HCLS1: variants seen among roughly 807,000 people sequenced by gnomAD.
The protein encoded by HCLS1 is hematopoietic lineage cell-specific protein.
HCLS1 carries 44 observed loss-of-function variants against 68.6 expected under a neutral mutation model. The ratio of observed to expected loss-of-function variants is 0.64; its 90% CI spans 0.50 to 0.82. The LOEUF (loss-of-function observed/expected upper bound fraction) is 0.82, where lower values mean the gene tolerates loss of function less well. HCLS1 is among the 40% of genes least tolerant of loss of function. The pLI, the probability that HCLS1 is intolerant of heterozygous loss-of-function variation, is 0.00. For synonymous variants in HCLS1, 217 were observed against 225.8 expected, an observed-to-expected ratio of 0.96 and a Z score of 0.35; for missense variants, 602 against 612.1, an observed-to-expected ratio of 0.98 and a Z score of 0.17.
chr3:121,644,555 A>C, intron 5 of HCLS1: 13 of 581,920 alleles, frequency 2.2e-5, no homozygotes, highest in South Asian at 2.1e-4. Flanking sequence ...AATAAAAACC[A>C]GTGGCTTGAG....
intron 4 of HCLS1, among the ~76,000 whole-genome samples, chr3:121,646,376 AC>A (rs1176793832): frequency 5.7e-5 from 3 of 52,738 alleles, no homozygotes; most frequent in East Asian, 1.2e-3. Flanking sequence ...ACATATTATT[AC>A]TATGTAATAT....
At chr3:121,635,646 G>A in intron 9 of HCLS1, 89 bp downstream of exon 9, 1 of 1,024,276 alleles carries the variant, frequency 9.8e-7, no homozygotes, top group Non-Finnish European at 1.5e-6. Flanking sequence ...AATCTAGGTA[G>A]TTAAAGGCAT....
intron 10 of HCLS1, among the ~76,000 whole-genome samples, chr3:121,633,698 C>A (rs1576460318): frequency 6.6e-6 from 1 of 152,054 alleles, no homozygotes; most frequent in East Asian, 1.9e-4. Flanking sequence ...CCACCATGCC[C>A]AGCTAATTTT....
chr3:121,656,233 T>A (rs1937868091), intron 3 of HCLS1: 1 of 152,196 alleles, frequency 6.6e-6, no homozygotes, highest in Non-Finnish European at 1.5e-5. Flanking sequence ...ATGTTGCTTG[T>A]GCAATGTGGT....
chr3:121,635,831 T>C (rs1183178860), intron 8 of HCLS1, 27 bp from the exon 9 acceptor site: 1 of 1,606,840 alleles, frequency 6.2e-7, no homozygotes, highest in South Asian at 1.1e-5. Flanking sequence ...AGCATGTGTG[T>C]TGCGGGAGAG....
chr3:121,653,363 C>A (rs1937791293), intron 3 of HCLS1, among the ~76,000 whole-genome samples: 1 of 152,154 alleles, frequency 6.6e-6, no homozygotes, highest in South Asian at 2.1e-4. Flanking sequence ...ATCTCTGTAT[C>A]CTCGGACAAA....
At position 121,644,856 on chromosome 3, in the gene HCLS1, C is replaced by T. The variant is rs750009180; in HGVS notation, c.361G>A (p.Gly121Arg). Residue 121 changes from glycine (G) to arginine (R), a missense_variant, in exon 5 of 14, where the codon GGG becomes AGG. Transcript: ENST00000314583. ...SSQTDAAKGF[G>R]GKYGVERDRA... ...TCCCTCTCAACTCCGTACTTGCCCC[C>T]AAAGCCTTTGGCAGCATCCGTCTGA... 2.1e-5 allele frequency: 34 copies of T among 1,614,136 alleles called. No homozygotes were observed. The highest frequency in any genetic ancestry group is 2.6e-5 in the Non-Finnish European group (31 of 1,180,008).
intron 6 of HCLS1, among the ~76,000 whole-genome samples, chr3:121,638,619 C>A (rs1179835653): frequency 1.3e-5 from 2 of 152,078 alleles, no homozygotes; most frequent in Non-Finnish European, 2.9e-5. Context: ...GTGTAGAATG[C>A]AAATACACAT....
At chr3:121,637,075 T>G in intron 7 of HCLS1, 71 bp downstream of exon 7, 13 of 1,107,306 alleles carry the variant, frequency 1.2e-5, no homozygotes, top group Non-Finnish European at 1.7e-5. Flanking sequence ...GGCACCCGGG[T>G]GAGCTTCCAG....
intron 3 of HCLS1, among the ~76,000 whole-genome samples, chr3:121,648,705 T>A (rs981442285): frequency 2.0e-5 from 3 of 152,200 alleles, no homozygotes; most frequent in Non-Finnish European, 4.4e-5. Context: ...TAGTGGATAA[T>A]TCTACCAAAG....
chr3:121,644,813 C>T lies in HCLS1; in HGVS notation c.399+5G>A. On this transcript the variant is annotated splice_donor_5th_base_variant and intron_variant, in intron 5 of 13. Transcript: ENST00000314583. ...GGGTGGTTGGGAGAGAGAGTGGTCA[C>T]TTACCTTGTCTGCCCTGTCCCTCTC... The T allele has an allele frequency of 1.2e-6, 2 of 1,605,092 alleles. No individual in the cohort carries two copies. Among genetic ancestry groups the T allele is most frequent in the Non-Finnish European group, 1.7e-6 (2 of 1,171,734 alleles).
chr3:121,657,293 G>A lies in HCLS1; in HGVS notation c.144C>T (p.Arg48=), dbSNP rs1476442807. Residue 48 remains arginine, a synonymous_variant, in exon 3 of 14, where the codon CGC becomes CGT. Transcript: ENST00000314583. ...TCGGCACCTACTTGATGTGTTCTGT[G>A]CGTCCAGACCCCTCGATGGTCTTGG... The part of the protein sequence containing the change: ...WGAKTIEGSG[R]TEHINIHQLR... 6.2e-6 allele frequency: 10 copies of A among 1,613,528 alleles called. No individual in the cohort carries two copies. Among genetic ancestry groups the A allele is most frequent in the Non-Finnish European group, 8.5e-6 (10 of 1,179,826 alleles).
intron 3 of HCLS1, among the ~76,000 whole-genome samples, chr3:121,656,527 GGA>G: frequency 6.6e-6 from 1 of 152,080 alleles, no homozygotes. Context: ...AGAAACCCCT[GGA>G]TATGTCTGTA....
chr3:121,637,907 G>A (rs1448923714), intron 6 of HCLS1, among the ~76,000 whole-genome samples: 1 of 151,588 alleles, frequency 6.6e-6, no homozygotes, highest in African/African-American at 2.4e-5. Context: ...TTGCACTCCA[G>A]CCTGGGTGAC....
At chr3:121,638,239 A>G (rs1262214313) in intron 6 of HCLS1, among the ~76,000 whole-genome samples, 1 of 152,082 alleles carries the variant, frequency 6.6e-6, no homozygotes, top group Non-Finnish European at 1.5e-5. Flanking sequence ...TTTAAAAAAA[A>G]ATCTGTAGTG....
intron 3 of HCLS1, among the ~76,000 whole-genome samples, chr3:121,649,246 T>C (rs1456384658): frequency 6.6e-6 from 1 of 152,094 alleles, no homozygotes; most frequent in Non-Finnish European, 1.5e-5. Flanking sequence ...ATTATTATTA[T>C]TATTATTGAG....
chr3:121,638,590 A>C (rs1422646351), intron 6 of HCLS1, among the ~76,000 whole-genome samples: 1 of 151,656 alleles, frequency 6.6e-6, no homozygotes, highest in African/African-American at 2.4e-5. Context: ...AGACTTGGAA[A>C]CTCCAAGCCT....
At chr3:121,657,581 C>T (rs761462653) in intron 2 of HCLS1, among the ~76,000 whole-genome samples, 2 of 151,990 alleles carry the variant, frequency 1.3e-5, no homozygotes, top group African/African-American at 2.4e-5. Flanking sequence ...TTTAGGAGGC[C>T]GAGGCGGGTG....
At chr3:121,635,190 CTT>C (rs1179499479) in intron 9 of HCLS1, among the ~76,000 whole-genome samples, 2 of 151,518 alleles carry the variant, frequency 1.3e-5, no homozygotes, top group East Asian at 1.9e-4. Context: ...GACTTTCTCT[CTT>C]TCTTTCTTTT....
Sources: gnomAD v4.1 joint callset for allele counts (sites outside exome capture counted in the v4.1 genomes callset) on GRCh38, gnomAD v4.1.1 for gene constraint, MANE v1.5 for transcripts, NCBI Gene and HGNC (gene_info 2026-07-23, HGNC 2026-07-21) for gene names.